DIP2C: variants seen among roughly 807,000 people sequenced by gnomAD.
DIP2C encodes the protein disco-interacting protein 2 homolog C.
Under a neutral mutation model 192.4 loss-of-function variants are expected in DIP2C, and 33 were observed. The observed-to-expected ratio is 0.17, with a 90% CI of 0.13 to 0.23. The LOEUF is 0.23. DIP2C is among the 10% of genes least tolerant of loss of function. The pLI, the probability that DIP2C is intolerant of heterozygous loss-of-function variation, is 1.00. For missense variants in DIP2C, 1,537 were observed against 2,110.1 expected, an observed-to-expected ratio of 0.73 and a Z score of 5.32; for synonymous variants, 979 against 864.1, an observed-to-expected ratio of 1.13 and a Z score of -2.33.
In DIP2C at chr10:369,325, G is replaced by A. The variant is rs116533923; in HGVS notation, c.2131+169C>T. Among the ~76,000 whole-genome samples the A allele has an allele frequency of 3.3e-3, 506 of 152,338 alleles. 6 individuals are homozygous for A. Among genetic ancestry groups the A allele is most frequent in the African/African-American group, 0.011 (461 of 41,566 alleles). On this transcript the variant is annotated intron_variant, in intron 18 of 36. Transcript: ENST00000280886. ...ATCGTCTACCAGGAGAGGGAACACT[G>A]CCTCAAATGTCTGAAGCCTAACAAA...
chr10:394,463 GT>G (rs1963785868), intron 10 of DIP2C, among the ~76,000 whole-genome samples: 2 of 151,714 alleles, frequency 1.3e-5, no homozygotes, highest in African/African-American at 4.9e-5. Context: ...GAGGAGGGAA[GT>G]CTGCCGTGTG....
At chr10:634,512 C>T (rs1015194901) in intron 1 of DIP2C, among the ~76,000 whole-genome samples, 8 of 152,214 alleles carry the variant, frequency 5.3e-5, no homozygotes, top group Admixed American at 3.3e-4. Context: ...CAGTACTACA[C>T]TGAAATTAGT....
chr10:619,541 G>GCCCGCCCGCCCTCCCT, intron 1 of DIP2C, among the ~76,000 whole-genome samples: 1 of 67,896 alleles, frequency 1.5e-5, no homozygotes, highest in Non-Finnish European at 4.6e-5. Context: ...CCGCCCGCCC[G>GCCCGCCCGCCCTCCCT]CCCTCCCACC....
At chr10:627,328 T>A (rs904878670) in intron 1 of DIP2C, among the ~76,000 whole-genome samples, 2 of 152,180 alleles carry the variant, frequency 1.3e-5, no homozygotes, top group Non-Finnish European at 2.9e-5. Flanking sequence ...AAACCCCCCA[T>A]CAGCATCCCA....
At chr10:548,704 C>CT (rs1848433959) in intron 1 of DIP2C, among the ~76,000 whole-genome samples, 1 of 151,716 alleles carries the variant, frequency 6.6e-6, no homozygotes, top group Admixed American at 6.6e-5. Flanking sequence ...CAAGAGGGGT[C>CT]TCCAGGCCTC....
At chr10:385,018 G>C (rs1463778937) in intron 14 of DIP2C, among the ~76,000 whole-genome samples, 1 of 150,580 alleles carries the variant, frequency 6.6e-6, no homozygotes, top group African/African-American at 2.4e-5. Context: ...GCAGGTCTCA[G>C]AGAGTGCCAC....
chr10:561,008 G>C (rs900362894), intron 1 of DIP2C, among the ~76,000 whole-genome samples: 1 of 152,108 alleles, frequency 6.6e-6, no homozygotes, highest in Non-Finnish European at 1.5e-5. Flanking sequence ...GGAAATTTTT[G>C]AATCTACCTA....
Position 325,003 on chromosome 10 carries a change from T to C in DIP2C, c.3924+2003A>G, listed in dbSNP as rs112422942. The C allele has an allele frequency of 2.7e-3, 1,442 of 525,164 alleles. 17 individuals are homozygous for C. The highest frequency in any genetic ancestry group is 0.012 in the Middle Eastern group (39 of 3,146). 32.5% of individuals were successfully genotyped at this position (525,164 alleles called of 1,614,324 possible). On this transcript the variant is annotated intron_variant, in intron 31 of 36. Coordinates refer to ENST00000280886, the MANE Select transcript of DIP2C (RefSeq NM_014974.3). ...TTTTGGGGCTGGGCGTGGTGGCTCATGCCTGTAATCCCAGCACTTTAGGAG... is the reference window on the plus strand; with the variant it reads ...TTTTGGGGCTGGGCGTGGTGGCTCACGCCTGTAATCCCAGCACTTTAGGAG...
At chr10:379,784 C>T (rs1250841883) in intron 17 of DIP2C, among the ~76,000 whole-genome samples, 1 of 152,274 alleles carries the variant, frequency 6.6e-6, no homozygotes, top group Non-Finnish European at 1.5e-5. Flanking sequence ...CCAGCTGCAA[C>T]TCAGCACCTG....
Position 592,142 on chromosome 10 carries a change from G to T in DIP2C, c.85+97352C>A, listed in dbSNP as rs979437213. On this transcript the variant is annotated intron_variant, in intron 1 of 36. Coordinates refer to ENST00000280886, the MANE Select transcript of DIP2C (RefSeq NM_014974.3). ...GACATTCTCACATTTCTGTATAATT[G>T]ATATTTCTGCTAATTAGGAAGCATA... is the stretch of plus-strand genomic sequence containing the variant. Among the ~76,000 whole-genome samples the T allele has an allele frequency of 3.9e-5, 6 of 152,138 alleles. No homozygotes were observed. The East Asian group carries it at 5.8e-4, about 15-fold the overall frequency.
chr10:532,339 C>T (rs1847418975), intron 1 of DIP2C, among the ~76,000 whole-genome samples: 1 of 152,198 alleles, frequency 6.6e-6, no homozygotes, highest in African/African-American at 2.4e-5. Flanking sequence ...CCCTCTCTCC[C>T]CTGGACAGAC....
intron 1 of DIP2C, among the ~76,000 whole-genome samples, chr10:594,792 G>A (rs1372332653): frequency 6.6e-6 from 1 of 152,172 alleles, no homozygotes; most frequent in Non-Finnish European, 1.5e-5. Context: ...AACCAGGGCG[G>A]AATCTCGACT....
rs948640340 is a variant in DIP2C at position 571,165 on chromosome 10, C to A, written c.86-84635G>T. Reference sequence around the variant, plus strand: ...CCAATGACAGGCCGCTCAGCTAAACCGGGAAAAATCCACAAAACAGAAAGA... The same window carrying A: ...CCAATGACAGGCCGCTCAGCTAAACAGGGAAAAATCCACAAAACAGAAAGA... On this transcript the variant is annotated intron_variant, in intron 1 of 36. Coordinates refer to ENST00000280886, the MANE Select transcript of DIP2C (RefSeq NM_014974.3). 3.3e-5 allele frequency among the ~76,000 whole-genome samples: 5 copies of A among 152,220 alleles called. 1 individual carries two copies. Among genetic ancestry groups the A allele is most frequent in the Admixed American group, 3.3e-4 (5 of 15,286 alleles).
intron 31 of DIP2C, among the ~76,000 whole-genome samples, chr10:316,772 T>C (rs1167931820): frequency 6.6e-6 from 1 of 152,258 alleles, no homozygotes; most frequent in Non-Finnish European, 1.5e-5. Flanking sequence ...AGGACTCCCC[T>C]GGGATTCTCA....
intron 1 of DIP2C, among the ~76,000 whole-genome samples, chr10:575,518 G>C (rs77597282): frequency 6.6e-6 from 1 of 152,162 alleles, no homozygotes; most frequent in African/African-American, 2.4e-5. Context: ...GAGCTCTGCT[G>C]AGAGTGTCAA....
chr10:428,056 G>T (rs1193002208), intron 4 of DIP2C, among the ~76,000 whole-genome samples: 1 of 152,166 alleles, frequency 6.6e-6, no homozygotes, highest in Non-Finnish European at 1.5e-5. Context: ...CCATCTAACA[G>T]AATATAATTC....
chr10:319,498 G>A (rs965301410), intron 31 of DIP2C, among the ~76,000 whole-genome samples: 1 of 152,140 alleles, frequency 6.6e-6, no homozygotes, highest in East Asian at 1.9e-4. Flanking sequence ...CTAGAAGGAG[G>A]ATGCAATTTT....
At chr10:291,482 AC>A (rs1163013269) in intron 32 of DIP2C, among the ~76,000 whole-genome samples, 12 of 152,296 alleles carry the variant, frequency 7.9e-5, no homozygotes, top group African/African-American at 2.9e-4. Context: ...GAAAAAAGCT[AC>A]CCCGTATCTA....
At chr10:581,647 A>G (rs1373211237) in intron 1 of DIP2C, among the ~76,000 whole-genome samples, 2 of 152,186 alleles carry the variant, frequency 1.3e-5, no homozygotes, top group Non-Finnish European at 2.9e-5. Context: ...GGAACCCACC[A>G]CCACGAGAGA....
Sources: allele counts gnomAD v4.1 joint callset (sites outside exome capture counted in the v4.1 genomes callset), GRCh38; gene constraint gnomAD v4.1.1; transcripts MANE v1.5; gene names NCBI Gene and HGNC (gene_info 2026-07-23, HGNC 2026-07-21).